The following ORC4 variants were observed in gnomAD, a reference collection of about 807,000 sequenced individuals.
The protein encoded by ORC4 is origin recognition complex, subunit 4 homolog.
A neutral mutation model predicts 63.9 loss-of-function variants in ORC4; 55 were observed. The ratio of observed to expected loss-of-function variants is 0.86; its 90% CI spans 0.69 to 1.08. ORC4 has a LOEUF of 1.08. Ranked by LOEUF, ORC4 falls within the 50% of genes least tolerant of loss-of-function variation. The pLI is 0.00. For synonymous variants in ORC4, 150 were observed against 168.5 expected (o/e 0.89, Z 0.85); for missense variants, 511 against 504.4 (o/e 1.01, Z -0.13).
At chr2:147,967,643 T>G (rs1229444293) in intron 4 of ORC4, among the ~76,000 whole-genome samples, 1 of 151,762 alleles carries the variant, frequency 6.6e-6, no homozygotes, top group Non-Finnish European at 1.5e-5. Flanking sequence ...AAGAAAGAAA[T>G]TGAGGAGGAT....
chr2:147,937,523 A>G (rs1371325917), intron 13 of ORC4, among the ~76,000 whole-genome samples: 1 of 152,226 alleles, frequency 6.6e-6, no homozygotes, highest in Non-Finnish European at 1.5e-5. Flanking sequence ...ACTTAATTCA[A>G]AAGAATGTAA....
rs1447859279 is a variant in ORC4 at position 147,952,444 on chromosome 2, GA to G, written c.516del (p.Leu173SerfsTer15). On this transcript the variant is annotated frameshift_variant, in exon 8 of 14. Transcript: ENST00000392857. LOFTEE classifies it high-confidence loss of function. ...TGAGAAATGTCAAAAAGATTATAGAGAAGTGTTTGGTTTTTATGATGAGCAA... is the reference window on the plus strand; with the variant it reads ...TGAGAAATGTCAAAAAGATTATAGAGAGTGTTTGGTTTTTATGATGAGCAA... ...DLFAHHKNQT[L>X]LYNLFDISQS... The G allele has an allele frequency of 6.2e-7, 1 of 1,609,644 alleles. No homozygotes were observed. The highest frequency in any genetic ancestry group is 8.5e-7 in the Non-Finnish European group (1 of 1,176,170).
chr2:148,000,626 G>A (rs1692242509), intron 1 of ORC4, among the ~76,000 whole-genome samples: 1 of 152,092 alleles, frequency 6.6e-6, no homozygotes, highest in Non-Finnish European at 1.5e-5. Context: ...ACTAGCATAG[G>A]ATAGAGACTG....
chr2:148,011,988 G>C (rs1692997338), intron 1 of ORC4, among the ~76,000 whole-genome samples: 1 of 151,872 alleles, frequency 6.6e-6, no homozygotes, highest in South Asian at 2.1e-4. Flanking sequence ...CTCATGGGTT[G>C]AAAAAAATTG....
At chr2:147,936,324 T>C (rs990986593) in intron 13 of ORC4, 3 of 153,026 alleles carry the variant, frequency 2.0e-5, no homozygotes, top group Non-Finnish European at 4.4e-5. Context: ...CCCATCTTAA[T>C]AGGGCTCTTT....
At chr2:147,977,736 C>T (rs762513749) in intron 1 of ORC4, among the ~76,000 whole-genome samples, 5 of 152,148 alleles carry the variant, frequency 3.3e-5, no homozygotes, top group Non-Finnish European at 5.9e-5. Context: ...TCTAGGACCT[C>T]GGTCTGTACA....
At chr2:147,938,461 GAATAC>G in intron 11 of ORC4, 68 bp from the exon 12 acceptor site, 1 of 901,820 alleles carries the variant, frequency 1.1e-6, no homozygotes, top group Non-Finnish European at 1.9e-6. Context: ...GTTCTCCAAA[GAATAC>G]AATATAGTGA....
Position 147,967,591 on chromosome 2 carries a change from G to A in ORC4, c.225+5148C>T, listed in dbSNP as rs17225416. On this transcript the variant is annotated intron_variant, in intron 4 of 13. Transcript: ENST00000392857. Reference sequence around the variant, plus strand: ...CTGAGGAATAAATTCAATTAAGGAGGTGAAAGGTACAGTTTTGTACAAGGA... The same window carrying A: ...CTGAGGAATAAATTCAATTAAGGAGATGAAAGGTACAGTTTTGTACAAGGA... Among the ~76,000 whole-genome samples, 672 of 151,884 alleles carry A rather than the reference G, an allele frequency of 4.4e-3. 4 individuals are homozygous for A. The highest frequency in any genetic ancestry group is 7.1e-3 in the Non-Finnish European group (482 of 67,848).
intron 2 of ORC4, 106 bp downstream of exon 2, chr2:147,975,796 A>G (rs1275042434): frequency 3.9e-6 from 3 of 770,578 alleles, no homozygotes; most frequent in African/African-American, 3.4e-5. Flanking sequence ...AGAAAGAGTG[A>G]TTCTTCCTAA....
At chr2:147,983,577 T>C (rs1691015095) in intron 1 of ORC4, among the ~76,000 whole-genome samples, 1 of 152,070 alleles carries the variant, frequency 6.6e-6, no homozygotes, top group East Asian at 1.9e-4. Flanking sequence ...CAGAACTCTA[T>C]GGAAACGAAT....
At chr2:147,958,511 C>A in intron 5 of ORC4, 128 bp from the exon 6 acceptor site, 1 of 690,538 alleles carries the variant, frequency 1.4e-6, no homozygotes, top group Non-Finnish European at 2.5e-6. Flanking sequence ...CTTCTTAAAA[C>A]TTAGCAATAA....
At chr2:147,983,238 T>G (rs906904029) in intron 1 of ORC4, among the ~76,000 whole-genome samples, 3 of 152,146 alleles carry the variant, frequency 2.0e-5, no homozygotes, top group Admixed American at 6.6e-5. Flanking sequence ...ACAGAAAAAC[T>G]TATGTTCACA....
At chr2:148,011,560 G>T (rs902408300) in intron 1 of ORC4, among the ~76,000 whole-genome samples, 33 of 152,158 alleles carry the variant, frequency 2.2e-4, no homozygotes, top group Non-Finnish European at 8.8e-5. Context: ...CTAGGATCTA[G>T]AAGAAGGATG....
chr2:148,008,416 G>T (rs1328121455), intron 1 of ORC4, among the ~76,000 whole-genome samples: 3 of 152,158 alleles, frequency 2.0e-5, no homozygotes, highest in African/African-American at 7.2e-5. Context: ...AAAGAAAGCT[G>T]TAAGGAAATA....
At position 147,958,300 on chromosome 2, in the gene ORC4, A is replaced by G; in HGVS notation, c.385T>C (p.Phe129Leu). Reference protein sequence around the residue: ...NLENVVGDKVFGSFAENLSFL... With the variant: ...NLENVVGDKVLGSFAENLSFL... Reference sequence around the variant, plus strand: ...AAAATAACTGAAATGATACTTACAAAAACTTTATCTCCAACTACATTTTCC... The same window carrying G: ...AAAATAACTGAAATGATACTTACAAGAACTTTATCTCCAACTACATTTTCC... Residue 129 changes from phenylalanine to leucine, a missense_variant and splice_region_variant, in exon 6 of 14, where the codon TTT becomes CTT. Physicochemically the swap from Phe to Leu is conservative, Grantham distance 22. Coordinates refer to ENST00000392857, the MANE Select transcript of ORC4 (RefSeq NM_181741.4). 3.1e-6 allele frequency: 5 copies of G among 1,596,038 alleles called. No individual in the cohort carries two copies. The highest frequency in any genetic ancestry group is 4.3e-6 in the Non-Finnish European group (5 of 1,164,268).
At chr2:147,980,979 A>G (rs111612342) in intron 1 of ORC4, among the ~76,000 whole-genome samples, 4 of 152,298 alleles carry the variant, frequency 2.6e-5, no homozygotes, top group African/African-American at 7.2e-5. Context: ...GTGTCCATCA[A>G]TGGATGAAAA....
chr2:147,999,948 T>C (rs1692197691), intron 1 of ORC4, among the ~76,000 whole-genome samples: 1 of 150,628 alleles, frequency 6.6e-6, no homozygotes. Context: ...CATAACAGGA[T>C]ATAATAAGAA....
intron 10 of ORC4, among the ~76,000 whole-genome samples, chr2:147,941,395 A>G (rs141956224): frequency 6.6e-6 from 1 of 152,012 alleles, no homozygotes; most frequent in Admixed American, 6.6e-5. Context: ...TTGCTCTCCA[A>G]AGCACTTACA....
chr2:147,945,004 T>C (rs1475292432), intron 9 of ORC4, among the ~76,000 whole-genome samples: 1 of 152,042 alleles, frequency 6.6e-6, no homozygotes, highest in Non-Finnish European at 1.5e-5. Flanking sequence ...TAATACCTTT[T>C]GGAAATTAAA....
Sources: allele counts gnomAD v4.1 joint callset (sites outside exome capture counted in the v4.1 genomes callset), GRCh38; gene constraint gnomAD v4.1.1; transcripts MANE v1.5; gene names NCBI Gene and HGNC (gene_info 2026-07-23, HGNC 2026-07-21).